AVEN: variants seen among roughly 807,000 people sequenced by gnomAD.
The protein encoded by AVEN is cell death regulator Aven.
Under a neutral mutation model 38.1 loss-of-function variants are expected in AVEN, and 41 were observed. The ratio of observed to expected loss-of-function variants is 1.08; its 90% CI spans 0.84 to 1.40. AVEN has a LOEUF of 1.40. AVEN is among the 40% of genes most tolerant of loss of function. The pLI is 0.00. For synonymous variants in AVEN, 206 were observed against 171.8 expected (o/e 1.20, Z -1.56); for missense variants, 605 against 438.8 (o/e 1.38, Z -3.38).
chr15:33,995,201 C>T (rs1455418991), intron 2 of AVEN, among the ~76,000 whole-genome samples: 1 of 152,050 alleles, frequency 6.6e-6, no homozygotes, highest in Non-Finnish European at 1.5e-5. Context: ...GAGGTCAAGG[C>T]TGCAGTGAGC....
intron 2 of AVEN, among the ~76,000 whole-genome samples, chr15:33,905,919 C>T (rs1304850151): frequency 6.6e-6 from 1 of 152,068 alleles, no homozygotes; most frequent in African/African-American, 2.4e-5. Flanking sequence ...GTTTAGCATA[C>T]CTGTTACCTA....
chr15:33,866,058 A>AAAT (rs1340877390), downstream of AVEN: 2 of 155,388 alleles, frequency 1.3e-5, no homozygotes, highest in African/African-American at 4.8e-5. Flanking sequence ...GAATCTCCTC[A>AAAT]AATACAATGA....
At chr15:34,054,624 C>A (rs1389690659) in intron 5 of AVEN, among the ~76,000 whole-genome samples, 1 of 152,104 alleles carries the variant, frequency 6.6e-6, no homozygotes, top group Non-Finnish European at 1.5e-5. Flanking sequence ...TAAGTAAGAG[C>A]TGAATGATGA....
chr15:33,997,519 G>A (rs1333818332), intron 2 of AVEN, among the ~76,000 whole-genome samples: 14 of 152,114 alleles, frequency 9.2e-5, no homozygotes, highest in East Asian at 5.8e-4. Context: ...TATCATTACC[G>A]TCATCCGCAA....
At position 33,924,118 on chromosome 15, in the gene AVEN, T is replaced by C. The variant is rs557835347; in HGVS notation, c.446-48123A>G. 1.2e-3 allele frequency among the ~76,000 whole-genome samples: 187 copies of C among 152,130 alleles called. 3 individuals are homozygous for C. In the South Asian group the frequency reaches 0.038, roughly 31 times the overall value. ...GAAAAACTGTCTTCCATGAAACCAG[T>C]CTCTGGTGCCAAAAAGGTTGGGGAC... is the stretch of plus-strand genomic sequence containing the variant. On this transcript the variant is annotated intron_variant, in intron 2 of 5. Coordinates refer to ENST00000306730, the MANE Select transcript of AVEN (RefSeq NM_020371.3).
chr15:33,947,064 G>A (rs760825591), intron 2 of AVEN, among the ~76,000 whole-genome samples: 7 of 152,144 alleles, frequency 4.6e-5, no homozygotes, highest in African/African-American at 1.7e-4. Flanking sequence ...GAGGAACTCT[G>A]GATGCAGGGA....
chr15:34,068,159 A>G (rs1322130736), intron 2 of AVEN, among the ~76,000 whole-genome samples: 3 of 151,334 alleles, frequency 2.0e-5, no homozygotes, highest in African/African-American at 4.9e-5. Context: ...TTTCTCAACC[A>G]TTTGAGAGTA....
chr15:33,937,164 ACT>A (rs1894104502), intron 2 of AVEN, among the ~76,000 whole-genome samples: 1 of 145,930 alleles, frequency 6.9e-6, no homozygotes, highest in Admixed American at 7.0e-5. Context: ...AAAAACAGAC[ACT>A]CTATCATTGT....
At chr15:33,857,374 C>G (rs114761041), downstream of AVEN, among the ~76,000 whole-genome samples, 657 of 151,826 alleles carry the variant, frequency 4.3e-3, 5 homozygotes, top group African/African-American at 0.015. Flanking sequence ...GTCTCCAACT[C>G]CTTTTCTTCT....
chr15:34,040,921 C>T (rs141185266), upstream of AVEN, among the ~76,000 whole-genome samples: 1 of 150,916 alleles, frequency 6.6e-6, no homozygotes, highest in South Asian at 2.1e-4. Flanking sequence ...AAGATTTCAA[C>T]ATGAATTTTG....
chr15:34,033,977 G>A (rs1224846601), intron 1 of AVEN, among the ~76,000 whole-genome samples: 5 of 152,000 alleles, frequency 3.3e-5, no homozygotes, highest in African/African-American at 9.7e-5. Context: ...TAGTAGAGAG[G>A]GGTTTCACCA....
intron 1 of AVEN, among the ~76,000 whole-genome samples, chr15:34,018,631 G>C (rs1417814969): frequency 6.6e-6 from 1 of 152,172 alleles, no homozygotes; most frequent in Non-Finnish European, 1.5e-5. Context: ...AAGACTTATT[G>C]TGAAGAGTGA....
intron 2 of AVEN, among the ~76,000 whole-genome samples, chr15:33,894,829 CAATAAT>C (rs144222156): frequency 8.3e-5 from 2 of 24,094 alleles, no homozygotes; most frequent in African/African-American, 1.0e-4. Context: ...AAAATAATAA[CAATAAT>C]AATAATAATA....
chr15:33,858,862 AG>A (rs2080015429), exon 12 of AVEN: 1 of 152,474 alleles, frequency 6.6e-6, no homozygotes, highest in African/African-American at 2.4e-5. Flanking sequence ...TCCATAAAAG[AG>A]GTAACACTTC....
chr15:33,859,855 GAA>G, intron 11 of AVEN: 2 of 1,097,950 alleles, frequency 1.8e-6, no homozygotes, highest in East Asian at 2.6e-5. Context: ...AATTTAGCAA[GAA>G]CTAATTTAGC....
Position 33,859,671 on chromosome 15 carries a change from A to G in AVEN, n.2730-577T>C, listed in dbSNP as rs765032298. 6 of 1,613,888 alleles carry G rather than the reference A, an allele frequency of 3.7e-6. No homozygotes were observed. In the South Asian group the frequency reaches 6.6e-5, roughly 18 times the overall value. On this transcript the variant is annotated intron_variant and non_coding_transcript_variant, in intron 11 of 11. Coordinates refer to the AVEN transcript ENST00000675287. ...TGGTGATCCTTATGAAATGTATCGC[A>G]TTGTCTTTGACATTACCTTTTTCTT... is the stretch of plus-strand genomic sequence containing the variant.
intron 2 of AVEN, among the ~76,000 whole-genome samples, chr15:33,944,017 A>ATT (rs1336320609): frequency 2.0e-5 from 3 of 152,054 alleles, no homozygotes; most frequent in African/African-American, 7.2e-5. Flanking sequence ...TACACGCATG[A>ATT]ACCACCACAC....
At chr15:34,047,879 C>T (rs1162671409) in intron 5 of AVEN, among the ~76,000 whole-genome samples, 1 of 152,156 alleles carries the variant, frequency 6.6e-6, no homozygotes, top group African/African-American at 2.4e-5. Flanking sequence ...CTCCCGCACC[C>T]TGTTTCCCAG....
chr15:34,006,310 CA>C (rs796228574), intron 1 of AVEN, among the ~76,000 whole-genome samples: 177 of 121,366 alleles, frequency 1.5e-3, no homozygotes, highest in African/African-American at 4.2e-3. Flanking sequence ...GACTCCGTCT[CA>C]AAAAAAAAAA....
Sources: gnomAD v4.1 joint callset for allele counts (sites outside exome capture counted in the v4.1 genomes callset) on GRCh38, gnomAD v4.1.1 for gene constraint, MANE v1.5 for transcripts, NCBI Gene and HGNC (gene_info 2026-07-23, HGNC 2026-07-21) for gene names.